The following KCP variants were observed in gnomAD, a reference collection of about 807,000 sequenced individuals.
KCP encodes the protein kielin/chordin-like protein.
A neutral mutation model predicts 212.7 loss-of-function variants in KCP; 194 were observed. The observed-to-expected ratio is 0.91, with a 90% CI of 0.81 to 1.03. KCP has a LOEUF of 1.03. Ranked by LOEUF, KCP falls within the 50% of genes least tolerant of loss-of-function variation. The pLI is 0.00. For synonymous variants in KCP, 833 were observed against 865.3 expected (o/e 0.96, Z 0.65); for missense variants, 2,080 against 2,162.5 (o/e 0.96, Z 0.76).
At chr7:128,890,568 T>C in intron 20 of KCP, 55 bp from the exon 21 acceptor site, 1 of 1,440,760 alleles carries the variant, frequency 6.9e-7, no homozygotes, top group Non-Finnish European at 9.2e-7. Context: ...CTGTGGGGAC[T>C]TGGTGGTCGT....
chr7:128,901,445 TG>T (rs1794837271), intron 8 of KCP, among the ~76,000 whole-genome samples: 2 of 152,194 alleles, frequency 1.3e-5, no homozygotes, highest in South Asian at 4.1e-4. Flanking sequence ...GCTAACACAG[TG>T]AAACCCTGTC....
At position 128,888,849 on chromosome 7, in the gene KCP, A is replaced by G; in HGVS notation, c.2512+14T>C. ...GCCCCAGCAGGGGGAATGGAAGGGC[A>G]GGTGTGGCTCTACCCTGGCAGGTCG... is the stretch of plus-strand genomic sequence containing the variant. On this transcript the variant is annotated intron_variant, in intron 22 of 39. Transcript: ENST00000610776. The G allele has an allele frequency of 6.5e-7, 1 of 1,545,786 alleles. No homozygotes were observed. Among genetic ancestry groups the G allele is most frequent in the Non-Finnish European group, 8.7e-7 (1 of 1,145,430 alleles).
intron 38 of KCP, among the ~76,000 whole-genome samples, chr7:128,878,055 C>CTTTTT (rs34574520): frequency 7.6e-6 from 1 of 131,774 alleles, no homozygotes; most frequent in African/African-American, 2.8e-5. Context: ...AACAAGCCTT[C>CTTTTT]TTTTTTTTTT....
intron 6 of KCP, 48 bp downstream of exon 6, chr7:128,904,008 G>T (rs1462988707): frequency 1.3e-6 from 2 of 1,487,606 alleles, no homozygotes; most frequent in South Asian, 1.2e-5. Context: ...GGCAGGGCAG[G>T]TGTCCAGGGA....
In KCP at chr7:128,886,724, C is replaced by A. The variant is rs759696900; in HGVS notation, c.2703G>T (p.Gln901His). 2 of 1,551,626 alleles carry A rather than the reference C, an allele frequency of 1.3e-6. No individual in the cohort carries two copies. Among genetic ancestry groups the A allele is most frequent in the Non-Finnish European group, 1.7e-6 (2 of 1,146,924 alleles). Residue 901 changes from glutamine (Q) to histidine (H), a missense_variant, in exon 25 of 40, where the codon CAG becomes CAT. By Grantham distance (24) the Gln-to-His change is conservative. Coordinates refer to ENST00000610776, the MANE Select transcript of KCP (RefSeq NM_001366122.1). ...CCTCCCCATCCTGGTGCTCCCGGCC[C>A]TGAGAGAGACAGCCTGTGGGGGACA... is the stretch of plus-strand genomic sequence containing the variant. ...FCPVCHSCLS[Q>H]GREHQDGEEF... is the part of the protein sequence containing the mutation.
chr7:128,903,718 G>T lies in KCP; in HGVS notation c.748+9C>A. 1 of 1,544,232 alleles carries T rather than the reference G, an allele frequency of 6.5e-7. No individual in the cohort carries two copies. The highest frequency in any genetic ancestry group is 8.7e-7 in the Non-Finnish European group (1 of 1,143,350). ...GTGGCTCTACCAGGGAGGGGCCAGGGGCTCTCACCTTGGCAGGTTGGGCAG... is the reference window on the plus strand; with the variant it reads ...GTGGCTCTACCAGGGAGGGGCCAGGTGCTCTCACCTTGGCAGGTTGGGCAG... On this transcript the variant is annotated intron_variant, in intron 7 of 39. Coordinates refer to ENST00000610776, the MANE Select transcript of KCP (RefSeq NM_001366122.1).
At chr7:128,884,674 C>T in intron 28 of KCP, 107 bp downstream of exon 28, 1 of 1,039,780 alleles carries the variant, frequency 9.6e-7, no homozygotes, top group Non-Finnish European at 1.4e-6. Context: ...TCCTTTGGCC[C>T]CCAGAGTGCC....
chr7:128,903,439 C>T, intron 7 of KCP: 1 of 499,982 alleles, frequency 2.0e-6, no homozygotes, highest in Non-Finnish European at 3.6e-6. Flanking sequence ...AGGGGTCATC[C>T]CTGAGGGCTG....
chr7:128,910,501 AG>A, intron 1 of KCP, 99 bp downstream of exon 1: 1 of 1,123,998 alleles, frequency 8.9e-7, no homozygotes, highest in South Asian at 1.6e-5. Flanking sequence ...GGCAGGGCTA[AG>A]AGCAGAGCCC....
In KCP at chr7:128,892,927, G is replaced by A. The variant is rs371928466; in HGVS notation, c.1362C>T (p.Pro454=). Residue 454 remains proline, a synonymous_variant, in exon 14 of 40, where the codon CCC becomes CCT. Coordinates refer to ENST00000610776, the MANE Select transcript of KCP (RefSeq NM_001366122.1). ...GGGGGCAGAGCACAGCCCCGCACTT[G>A]GGTACCCCATCTTGACAGACGCAGG... ...CTACVCQDGV[P]KCGAVLCPPA... is the part of the protein sequence containing the mutation. The A allele has an allele frequency of 1.3e-3, 1,964 of 1,501,970 alleles. 2 individuals are homozygous for A. The highest frequency in any genetic ancestry group is 1.6e-3 in the Non-Finnish European group (1,811 of 1,102,200). The allele number at this position is 1,501,970 out of a possible 1,614,324, so 93.0% of individuals were successfully genotyped here. A position where few individuals can be genotyped will look rare whatever the true frequency, so the allele number is the denominator to read the frequency against.
Position 128,892,711 on chromosome 7 carries a change from G to C in KCP, c.1504C>G (p.Pro502Ala). ...ACCTGACAGTGGCAGGCATGGCAAG[G>C]GCTGTCTGCATCCGTGAAGTTCTGC... ...NGQNFTDADSPCHACHCQDGT... is the reference protein window; with the variant it reads ...NGQNFTDADSACHACHCQDGT... The change falls in exon 15 of 40, where the codon CCT becomes GCT. Residue 502 changes from proline (P) to alanine (A), a missense_variant. Pro to Ala is a conservative substitution (Grantham distance 27). Transcript: ENST00000610776. 6.4e-7 allele frequency: 1 copy of C among 1,551,676 alleles called. No homozygotes were observed. The highest frequency in any genetic ancestry group is 8.7e-7 in the Non-Finnish European group (1 of 1,146,956).
Position 128,890,346 on chromosome 7 carries a change from C to T in KCP, c.2332G>A (p.Asp778Asn), listed in dbSNP as rs1414304851. 1 of 1,551,552 alleles carries T rather than the reference C, an allele frequency of 6.4e-7. No individual in the cohort carries two copies. Among genetic ancestry groups the T allele is most frequent in the Non-Finnish European group, 8.7e-7 (1 of 1,146,974 alleles). Reference sequence around the variant, plus strand: ...CTCCCTATCCCATGACCCTCACCATCACAGTCAGGGCAGCAGTCGCCCCTG... The same window carrying T: ...CTCCCTATCCCATGACCCTCACCATTACAGTCAGGGCAGCAGTCGCCCCTG... ...PARGDCCPDC[D>N]GCEYLGESYL... is the part of the protein sequence containing the mutation. Residue 778 changes from aspartate (D) to asparagine (N), a missense_variant, in exon 21 of 40, where the codon GAT becomes AAT. Transcript: ENST00000610776.
chr7:128,892,705 G>A lies in KCP; in HGVS notation c.1510C>T (p.His504Tyr), dbSNP rs1232261470. 1.3e-6 allele frequency: 2 copies of A among 1,551,628 alleles called. No homozygotes were observed. The highest frequency in any genetic ancestry group is 3.9e-5 in the Admixed American group (2 of 51,006). The change falls in exon 15 of 40, where the codon CAT becomes TAT. Residue 504 changes from histidine to tyrosine, a missense_variant. By Grantham distance (83) the His-to-Tyr change is moderately conservative (BLOSUM62 2). Transcript: ENST00000610776. ...QNFTDADSPC[H>Y]ACHCQDGTVT... ...GCAGTTACCTGACAGTGGCAGGCAT[G>A]GCAAGGGCTGTCTGCATCCGTGAAG...
intron 29 of KCP, 102 bp from the exon 30 acceptor site, chr7:128,882,118 T>C: frequency 1.3e-6 from 1 of 795,924 alleles, no homozygotes; most frequent in Non-Finnish European, 2.1e-6. Flanking sequence ...TAACTCGAAC[T>C]CCTGAGCATA....
intron 5 of KCP, 139 bp downstream of exon 5, chr7:128,906,139 GT>G: frequency 1.4e-6 from 1 of 704,378 alleles, no homozygotes; most frequent in Non-Finnish European, 2.5e-6. Flanking sequence ...TTGTGCATGG[GT>G]TCTGCACTCC....
intron 38 of KCP, 108 bp downstream of exon 38, chr7:128,878,450 T>C (rs1793118647): frequency 1.6e-6 from 2 of 1,235,998 alleles, no homozygotes; most frequent in Non-Finnish European, 2.2e-6. Flanking sequence ...AAGCCTATCT[T>C]GTGTGACTTC....
At chr7:128,896,210 C>G (rs576086834) in intron 8 of KCP, among the ~76,000 whole-genome samples, 2 of 152,296 alleles carry the variant, frequency 1.3e-5, no homozygotes, top group South Asian at 4.1e-4. Flanking sequence ...GGCTGCAGCA[C>G]TGACTGGCGG....
In KCP at chr7:128,885,300, C is replaced by T. The variant is rs372101093; in HGVS notation, c.2867-30G>A. The T allele has an allele frequency of 3.8e-5, 58 of 1,518,790 alleles. No individual in the cohort carries two copies. In the African/African-American group the frequency reaches 4.0e-4, roughly 10 times the overall value. The allele number at this position is 1,518,790 out of a possible 1,614,324, so 94.1% of individuals were successfully genotyped here. On this transcript the variant is annotated intron_variant, in intron 26 of 39. Transcript: ENST00000610776. ...GGTGCAAAGTGGGCAGGGACGAGCTCGGAGGTTGAGATCTGGACATCTGCT... is the reference window on the plus strand; with the variant it reads ...GGTGCAAAGTGGGCAGGGACGAGCTTGGAGGTTGAGATCTGGACATCTGCT...
At chr7:128,887,802 CAT>C (rs1793767469) in intron 22 of KCP, among the ~76,000 whole-genome samples, 1 of 148,922 alleles carries the variant, frequency 6.7e-6, no homozygotes, top group South Asian at 2.1e-4. Context: ...CACATACACA[CAT>C]ACCCATATAC....
Sources: gnomAD v4.1 joint callset for allele counts (sites outside exome capture counted in the v4.1 genomes callset) on GRCh38, gnomAD v4.1.1 for gene constraint, MANE v1.5 for transcripts, NCBI Gene and HGNC (gene_info 2026-07-23, HGNC 2026-07-21) for gene names.